TBC1D23: variants seen among roughly 807,000 people sequenced by gnomAD.
TBC1D23 encodes HCV non-structural protein 4A-transactivated protein 1.
Under a neutral mutation model 91.4 loss-of-function variants are expected in TBC1D23, and 55 were observed. The ratio of observed to expected loss-of-function variants is 0.60; its 90% CI spans 0.48 to 0.75. The LOEUF (loss-of-function observed/expected upper bound fraction) is 0.75. Ranked by LOEUF, TBC1D23 falls within the 30% of genes least tolerant of loss-of-function variation. The pLI is 0.00. For missense variants in TBC1D23, 725 were observed against 836.1 expected (o/e 0.87, Z 1.64); for synonymous variants, 289 against 281.0 (o/e 1.03, Z -0.28).
intron 12 of TBC1D23, among the ~76,000 whole-genome samples, chr3:100,306,084 A>T (rs1390074594): frequency 6.6e-6 from 1 of 152,242 alleles, no homozygotes; most frequent in Non-Finnish European, 1.5e-5. Context: ...CAAAAGTCAC[A>T]ATCGGTTTTC....
At chr3:100,290,290 C>T (rs1463874292) in intron 4 of TBC1D23, among the ~76,000 whole-genome samples, 3 of 152,140 alleles carry the variant, frequency 2.0e-5, no homozygotes, top group African/African-American at 7.2e-5. Flanking sequence ...GGATCTCAGC[C>T]TTATCAAAAT....
chr3:100,316,323 T>C, intron 16 of TBC1D23, 136 bp downstream of exon 16: 1 of 682,976 alleles, frequency 1.5e-6, no homozygotes, highest in Non-Finnish European at 2.5e-6. Flanking sequence ...TCTGTGGCTT[T>C]CTATTAAGAG....
rs141511631 is a variant in TBC1D23, at chr3:100,291,794, T to TGC, written c.600+1093_600+1094insGC. Among the ~76,000 whole-genome samples the TGC allele has an allele frequency of 1.7e-3, 228 of 132,728 alleles. 1 individual carries two copies. Among genetic ancestry groups the TGC allele is most frequent in the African/African-American group, 2.5e-3 (96 of 38,154 alleles). 87.1% of individuals were successfully genotyped at this position (132,728 alleles called of 152,430 possible). ...TGGATTATCATATCTGCTTTTTTTTTTCTTTTTTTTTTTTTTTGAGATGGA... is the reference window on the plus strand; with the variant it reads ...TGGATTATCATATCTGCTTTTTTTTTGCTCTTTTTTTTTTTTTTTGAGATGGA... On this transcript the variant is annotated intron_variant, in intron 5 of 18. Coordinates refer to ENST00000394144, the MANE Select transcript of TBC1D23 (RefSeq NM_001199198.3).
intron 4 of TBC1D23, among the ~76,000 whole-genome samples, chr3:100,289,642 C>T (rs1046818142): frequency 6.6e-6 from 1 of 152,114 alleles, no homozygotes; most frequent in Admixed American, 6.6e-5. Flanking sequence ...TGCTGTGACC[C>T]GTGGCAGAGG....
At position 100,283,627 on chromosome 3, in the gene TBC1D23, G is replaced by T; in HGVS notation, c.292G>T (p.Glu98Ter). Reference protein sequence around the residue: ...QFIDQLSVPEEKAAELLLDIE... With the variant: ...QFIDQLSVPE ...TCTAGACCAGCTTTCAGTGCCAGAG[G>T]AGAAGGCAGCAGAATTACTTTTGGA... Residue 98 changes from glutamate (E) to a stop codon, truncating the protein, a stop_gained, in exon 4 of 19, where the codon GAG (glutamate) becomes TAG (stop). Coordinates refer to ENST00000394144, the MANE Select transcript of TBC1D23 (RefSeq NM_001199198.3). LOFTEE classifies it high-confidence loss of function. The T allele has an allele frequency of 6.2e-7, 1 of 1,613,832 alleles. No homozygotes were observed. Among genetic ancestry groups the T allele is most frequent in the Non-Finnish European group, 8.5e-7 (1 of 1,179,802 alleles).
At chr3:100,320,716 C>T in intron 17 of TBC1D23, 61 bp from the exon 18 acceptor site, 1 of 1,012,870 alleles carries the variant, frequency 9.9e-7, no homozygotes, top group African/African-American at 1.7e-5. Flanking sequence ...TGAAACAACA[C>T]CTGTTTTGAA....
At chr3:100,263,167 G>C (rs2067528470) in intron 1 of TBC1D23, among the ~76,000 whole-genome samples, 1 of 152,240 alleles carries the variant, frequency 6.6e-6, no homozygotes, top group Admixed American at 6.5e-5. Context: ...GAAAATTACA[G>C]TCGAAGGGGA....
At chr3:100,322,882 G>A (rs937510159) in intron 18 of TBC1D23, among the ~76,000 whole-genome samples, 6 of 151,256 alleles carry the variant, frequency 4.0e-5, no homozygotes, top group Non-Finnish European at 8.8e-5. Flanking sequence ...ATTCTGCCTC[G>A]CATATAACAC....
In TBC1D23 at chr3:100,279,726, C is replaced by G; in HGVS notation, c.131C>G (p.Pro44Arg). The change falls in exon 2 of 19, where the codon CCG (proline) becomes CGG (arginine). Residue 44 changes from proline to arginine, a missense_variant. Pro to Arg is a moderately radical substitution (Grantham distance 103). Coordinates refer to ENST00000394144, the MANE Select transcript of TBC1D23 (RefSeq NM_001199198.3). ...TTGAGAAATATAATTCAAGGAAGAC[C>G]GCTGCCTGCTGATCTGAGGGCCAAA... ...ETLRNIIQGR[P>R]LPADLRAKVW... 1 of 1,605,434 alleles carries G rather than the reference C, an allele frequency of 6.2e-7. No individual in the cohort carries two copies. The highest frequency in any genetic ancestry group is 8.5e-7 in the Non-Finnish European group (1 of 1,173,952).
At chr3:100,266,854 T>G (rs1309585358) in intron 1 of TBC1D23, among the ~76,000 whole-genome samples, 1 of 152,202 alleles carries the variant, frequency 6.6e-6, no homozygotes, top group African/African-American at 2.4e-5. Context: ...ACAAAGCATT[T>G]CTGATGCACA....
At chr3:100,303,165 C>T (rs940736495) in intron 11 of TBC1D23, among the ~76,000 whole-genome samples, 3 of 152,068 alleles carry the variant, frequency 2.0e-5, no homozygotes, top group African/African-American at 7.2e-5. Flanking sequence ...TATTCTTTGG[C>T]AGTTTATGTA....
intron 4 of TBC1D23, among the ~76,000 whole-genome samples, chr3:100,287,093 G>T (rs554629918): frequency 1.3e-5 from 2 of 152,192 alleles, no homozygotes; most frequent in South Asian, 4.1e-4. Context: ...GATTACAGGT[G>T]CAAGCTACCG....
intron 4 of TBC1D23, among the ~76,000 whole-genome samples, chr3:100,284,586 C>T (rs1353903800): frequency 6.6e-6 from 1 of 151,872 alleles, no homozygotes; most frequent in African/African-American, 2.4e-5. Flanking sequence ...ACCTAACTTA[C>T]CTTGGAGGTC....
intron 10 of TBC1D23, 120 bp from the exon 11 acceptor site, chr3:100,301,947 C>T (rs1043398574): frequency 1.1e-5 from 7 of 661,426 alleles, no homozygotes; most frequent in African/African-American, 9.4e-5. Flanking sequence ...GCCTTTTTTT[C>T]CCCTTCATTT....
chr3:100,270,191 C>T (rs953063975), intron 1 of TBC1D23, among the ~76,000 whole-genome samples: 14 of 152,126 alleles, frequency 9.2e-5, no homozygotes, highest in African/African-American at 3.4e-4. Context: ...CTGTGCCTCA[C>T]ACAGTGAGTA....
intron 1 of TBC1D23, among the ~76,000 whole-genome samples, chr3:100,262,599 C>T (rs1385479042): frequency 1.3e-5 from 2 of 150,174 alleles, no homozygotes; most frequent in Admixed American, 1.3e-4. Context: ...GTGGCGCGTG[C>T]CTGTAATCTC....
At chr3:100,265,840 AGAT>A (rs2067553113) in intron 1 of TBC1D23, among the ~76,000 whole-genome samples, 1 of 152,234 alleles carries the variant, frequency 6.6e-6, no homozygotes, top group South Asian at 2.1e-4. Flanking sequence ...TGTTAATCTG[AGAT>A]GTGAGTAGGA....
chr3:100,271,904 G>A (rs905753170), intron 1 of TBC1D23, among the ~76,000 whole-genome samples: 1 of 152,214 alleles, frequency 6.6e-6, no homozygotes, highest in Admixed American at 6.5e-5. Context: ...GAGTGAAGAA[G>A]TCAAGGGTGT....
At chr3:100,298,273 A>G (rs1705343820) in intron 9 of TBC1D23, among the ~76,000 whole-genome samples, 1 of 138,392 alleles carries the variant, frequency 7.2e-6, no homozygotes, top group South Asian at 2.4e-4. Flanking sequence ...CATTCTTGAC[A>G]CCAGTTTTTG....
Sources: gnomAD v4.1 joint callset for allele counts (sites outside exome capture counted in the v4.1 genomes callset) on GRCh38, gnomAD v4.1.1 for gene constraint, MANE v1.5 for transcripts, NCBI Gene and HGNC (gene_info 2026-07-23, HGNC 2026-07-21) for gene names.